The following XPO6 variants were observed in gnomAD, a reference collection of about 807,000 sequenced individuals.
XPO6 encodes exportin-6.
A neutral mutation model predicts 130.0 loss-of-function variants in XPO6; 3 were observed. The ratio of observed to expected loss-of-function variants is 0.02; its 90% CI spans 0.01 to 0.06. The LOEUF is 0.06. XPO6 is among the 10% of genes least tolerant of loss of function. XPO6 has a pLI of 1.00. For synonymous variants in XPO6, 524 were observed against 548.9 expected, an observed-to-expected ratio of 0.95 and a Z score of 0.63; for missense variants, 970 against 1,393.0, an observed-to-expected ratio of 0.70 and a Z score of 4.83.
At chr16:28,164,400 G>A (rs1049761381) in intron 6 of XPO6, among the ~76,000 whole-genome samples, 6 of 152,164 alleles carry the variant, frequency 3.9e-5, no homozygotes, top group Non-Finnish European at 7.3e-5. Context: ...TGTCCAAATA[G>A]TGGGGCAAGA....
chr16:28,098,595 G>A lies in XPO6; in HGVS notation c.3321C>T (p.Asp1107=). The change falls in exon 24 of 24, where the codon GAC becomes GAT. Residue 1107 remains aspartate (D), a synonymous_variant. Coordinates refer to ENST00000304658, the MANE Select transcript of XPO6 (RefSeq NM_015171.4). ...FTQNVHRLVN[D]LRYYRLCNDS... ...CGTTGCAGAGTCTGTAGTAGCGCAG[G>A]TCGTTGACCAGCCTGTGCACATTCT... is the stretch of plus-strand genomic sequence containing the variant. 6.2e-7 allele frequency: 1 copy of A among 1,613,028 alleles called. No individual in the cohort carries two copies. Among genetic ancestry groups the A allele is most frequent in the South Asian group, 1.1e-5 (1 of 90,968 alleles).
chr16:28,131,913 T>G (rs533291850), intron 12 of XPO6, among the ~76,000 whole-genome samples: 1 of 152,298 alleles, frequency 6.6e-6, no homozygotes, highest in African/African-American at 2.4e-5. Context: ...CTGGGGCCAT[T>G]TGCAACAGGT....
chr16:28,151,206 T>C (rs868193850), intron 8 of XPO6, among the ~76,000 whole-genome samples: 8 of 137,140 alleles, frequency 5.8e-5, no homozygotes, highest in Middle Eastern at 4.0e-3. Context: ...AAAGGCTACT[T>C]CTAAAATCAA....
intron 5 of XPO6, among the ~76,000 whole-genome samples, chr16:28,167,948 G>T: frequency 6.6e-6 from 1 of 150,488 alleles, no homozygotes; most frequent in African/African-American, 2.4e-5. Flanking sequence ...CGGGGTGGGG[G>T]AGGGTACTGC....
At chr16:28,125,553 T>C (rs2087377243) in intron 13 of XPO6, 136 bp downstream of exon 13, 2 of 1,088,810 alleles carry the variant, frequency 1.8e-6, no homozygotes, top group African/African-American at 3.2e-5. Flanking sequence ...TTGTTCCCTA[T>C]CAGCTTGTAT....
At chr16:28,153,864 C>G in intron 7 of XPO6, 1 of 985,368 alleles carries the variant, frequency 1.0e-6, no homozygotes, top group Non-Finnish European at 1.2e-6. Flanking sequence ...CTCAGAAAAG[C>G]AAAACTGGCC....
chr16:28,190,222 T>A (rs935526199), intron 1 of XPO6, among the ~76,000 whole-genome samples: 4 of 147,960 alleles, frequency 2.7e-5, no homozygotes, highest in Non-Finnish European at 5.9e-5. Context: ...TTTCTTTCTT[T>A]ATTTTTTTTT....
chr16:28,157,967 G>A (rs901386584), intron 6 of XPO6, among the ~76,000 whole-genome samples: 22 of 152,350 alleles, frequency 1.4e-4, no homozygotes, highest in African/African-American at 5.1e-4. Context: ...GCTGGAGGCA[G>A]TCTGGCCTCC....
rs1264754662 is a variant in XPO6 at position 28,146,114 on chromosome 16, G to C, written c.1314C>G (p.Asp438Glu). The change falls in exon 9 of 24, where the codon GAC becomes GAG. Residue 438 changes from aspartate (D) to glutamate (E), a missense_variant. By Grantham distance (45) the Asp-to-Glu change is conservative. This residue lies in a region of XPO6 where 936 missense variants were observed against 1,306.8 expected (regional missense o/e 0.72). Coordinates refer to ENST00000304658, the MANE Select transcript of XPO6 (RefSeq NM_015171.4). ...LTSKIKSRLG[D>E]KEAVLNRYED... is the part of the protein sequence containing the mutation. The stretch of plus-strand genomic sequence containing the variant: ...TTTACCTGTTGAGAACTGCTTCCTT[G>C]TCTCCAAGACGACTTTTAATTTTAC... The C allele has an allele frequency of 6.2e-7, 1 of 1,613,750 alleles. No homozygotes were observed. Among genetic ancestry groups the C allele is most frequent in the Admixed American group, 1.7e-5 (1 of 60,000 alleles).
chr16:28,173,601 AAAAG>A (rs2043490110), intron 4 of XPO6, among the ~76,000 whole-genome samples: 1 of 152,196 alleles, frequency 6.6e-6, no homozygotes, highest in African/African-American at 2.4e-5. Flanking sequence ...AAAGAAAAGA[AAAAG>A]AAGACTTTAC....
rs1465545138 is a variant in XPO6, at chr16:28,159,759, C to CG, written c.644-3233_644-3232insC. Among the ~76,000 whole-genome samples, 3 of 152,110 alleles carry CG rather than the reference C, an allele frequency of 2.0e-5. No individual in the cohort carries two copies. The East Asian group carries it at 5.8e-4, about 29-fold the overall frequency. On this transcript the variant is annotated intron_variant, in intron 6 of 23. Transcript: ENST00000304658. ...GCGGGGGGAGGTGATACATAAAATTCAAACATGTAGTACAAAATTGATTTT... is the reference window on the plus strand; with the variant it reads ...GCGGGGGGAGGTGATACATAAAATTCGAAACATGTAGTACAAAATTGATTTT...
At chr16:28,134,217 GA>G (rs2042731155) in intron 10 of XPO6, among the ~76,000 whole-genome samples, 2 of 152,290 alleles carry the variant, frequency 1.3e-5, no homozygotes, top group African/African-American at 4.8e-5. Context: ...TCACCTGTTG[GA>G]AATGATCACG....
At chr16:28,186,228 C>T (rs1397764122) in intron 1 of XPO6, among the ~76,000 whole-genome samples, 2 of 152,078 alleles carry the variant, frequency 1.3e-5, no homozygotes, top group Non-Finnish European at 2.9e-5. Context: ...TCTCCCTCAC[C>T]ACTATTTCTA....
chr16:28,199,809 GC>G (rs1476462848), intron 1 of XPO6, among the ~76,000 whole-genome samples: 4 of 151,814 alleles, frequency 2.6e-5, no homozygotes, highest in Non-Finnish European at 4.4e-5. Flanking sequence ...CTCCCAAAGT[GC>G]TAGGATTACA....
Position 28,132,297 on chromosome 16 carries a change from A to T in XPO6, c.1606+37T>A. The T allele has an allele frequency of 6.8e-7, 1 of 1,478,444 alleles. No homozygotes were observed. Among genetic ancestry groups the T allele is most frequent in the South Asian group, 1.2e-5 (1 of 83,482 alleles). The allele number at this position is 1,478,444 out of a possible 1,614,324, so 91.6% of individuals were successfully genotyped here. A position where few individuals can be genotyped will look rare whatever the true frequency, so the allele number is the denominator to read the frequency against. On this transcript the variant is annotated intron_variant, in intron 12 of 23. Coordinates refer to ENST00000304658, the MANE Select transcript of XPO6 (RefSeq NM_015171.4). The surrounding 1 kb of genome is among the most constrained non-coding windows in gnomAD (Gnocchi z 4.0). ...GAAATATCAGTCCGATGGTTTTTTGAATGTTTGGTTAAATTAGAAAATAAA... is the reference window on the plus strand; with the variant it reads ...GAAATATCAGTCCGATGGTTTTTTGTATGTTTGGTTAAATTAGAAAATAAA...
At chr16:28,147,208 C>G (rs2042999574) in intron 8 of XPO6, among the ~76,000 whole-genome samples, 1 of 152,132 alleles carries the variant, frequency 6.6e-6, no homozygotes, top group African/African-American at 2.4e-5. Flanking sequence ...CAAGAAATAA[C>G]TAACAATGGG....
intron 14 of XPO6, among the ~76,000 whole-genome samples, chr16:28,119,176 C>T (rs994652894): frequency 4.6e-5 from 7 of 151,556 alleles, no homozygotes; most frequent in African/African-American, 7.3e-5. Flanking sequence ...CCACTATGTC[C>T]GGCTATTTTT....
At chr16:28,163,418 G>A (rs549922945) in intron 6 of XPO6, among the ~76,000 whole-genome samples, 9 of 152,320 alleles carry the variant, frequency 5.9e-5, no homozygotes, top group African/African-American at 2.2e-4. Flanking sequence ...GCATGAGAAA[G>A]ATATGGTCCC....
intron 4 of XPO6, among the ~76,000 whole-genome samples, chr16:28,171,452 C>CAAAAAAAA (rs36000498): frequency 1.0e-5 from 1 of 99,092 alleles, no homozygotes; most frequent in African/African-American, 4.1e-5. Context: ...GACTCTGTCT[C>CAAAAAAAA]AAAAAAAAAA....
Sources: allele counts gnomAD v4.1 joint callset (sites outside exome capture counted in the v4.1 genomes callset), GRCh38; gene constraint gnomAD v4.1.1; regional missense constraint gnomAD v4.1.1; non-coding constraint Gnocchi (gnomAD v3.1); transcripts MANE v1.5; gene names NCBI Gene and HGNC (gene_info 2026-07-23, HGNC 2026-07-21).